Variants in ASTN1 observed in about 807,000 individuals in gnomAD.
The protein encoded by ASTN1 is astrotactin 1, also known as astrotactin-1.
A neutral mutation model predicts 140.7 loss-of-function variants in ASTN1; 41 were observed. That is an observed-to-expected ratio of 0.29 (90% CI 0.23 to 0.38). The LOEUF is 0.38. Ranked by LOEUF, ASTN1 falls within the 10% of genes least tolerant of loss-of-function variation. The pLI is 1.00. For missense variants in ASTN1, 1,479 were observed against 1,678.8 expected, an observed-to-expected ratio of 0.88 and a Z score of 2.08; for synonymous variants, 640 against 652.2, an observed-to-expected ratio of 0.98 and a Z score of 0.29.
chr1:176,994,104 C>A (rs1003372784), intron 8 of ASTN1, among the ~76,000 whole-genome samples: 2 of 151,344 alleles, frequency 1.3e-5, no homozygotes, highest in East Asian at 3.9e-4. Context: ...TTCACCCCAC[C>A]CCCCCCGCCA....
At position 176,946,091 on chromosome 1, in the gene ASTN1, T is replaced by C; in HGVS notation, c.2084A>G (p.Asp695Gly). The C allele has an allele frequency of 6.2e-7, 1 of 1,613,208 alleles. No homozygotes were observed. Among genetic ancestry groups the C allele is most frequent in the Non-Finnish European group, 8.5e-7 (1 of 1,179,408 alleles). The change falls in exon 13 of 23, where the codon GAT becomes GGT. Residue 695 changes from aspartate to glycine, a missense_variant. Around this residue, in one of 3 missense-constraint regions of ASTN1, gnomAD observed 746 missense variants for 800.9 expected, o/e 0.93. Coordinates refer to ENST00000361833, the MANE Select transcript of ASTN1 (RefSeq NM_004319.3). ...GCIEDYKLGVDGRSCQLITET... is the reference protein window; with the variant it reads ...GCIEDYKLGVGGRSCQLITET... ...CGTGATGAGTTGGCAAGAGCGTCCA[T>C]CCACACCAAGCTTGTAGTCCTCGAT...
intron 6 of ASTN1, 42 bp downstream of exon 6, chr1:177,024,540 CT>C (rs1437320559): frequency 2.5e-6 from 4 of 1,601,554 alleles, no homozygotes; most frequent in Non-Finnish European, 1.7e-6. Flanking sequence ...GAAAACTTTC[CT>C]TTTTGGGGGG....
rs1668233222 is a variant in ASTN1 at position 176,868,965 on chromosome 1, C to T, written c.3526G>A (p.Ala1176Thr). The change falls in exon 22 of 23, where the codon GCC (alanine) becomes ACC (threonine). Residue 1176 changes from alanine (A) to threonine (T), a missense_variant. Physicochemically the swap from Ala to Thr is moderately conservative, Grantham distance 58. This residue lies in a region of ASTN1 where 746 missense variants were observed against 800.9 expected (regional missense o/e 0.93). Coordinates refer to ENST00000361833, the MANE Select transcript of ASTN1 (RefSeq NM_004319.3). ...GYTSGKEQQT[A>T]YNTLLDLGSP... ...CCCAGATCCAGGAGGGTGTTGTAGG[C>T]GGTCTGCTGCTCCTTCCCACTAGTG... is the stretch of plus-strand genomic sequence containing the variant. 10 of 1,612,128 alleles carry T rather than the reference C, an allele frequency of 6.2e-6. No individual in the cohort carries two copies. Among genetic ancestry groups the T allele is most frequent in the African/African-American group, 1.3e-5 (1 of 75,004 alleles).
chr1:177,108,372 GA>G (rs1342718279), intron 1 of ASTN1, among the ~76,000 whole-genome samples: 11 of 143,854 alleles, frequency 7.6e-5, no homozygotes, highest in Middle Eastern at 3.8e-3. Flanking sequence ...AAAAAGAAAA[GA>G]AAAAAAGAAA....
At chr1:176,956,069 G>C (rs563117806) in intron 11 of ASTN1, among the ~76,000 whole-genome samples, 4 of 152,160 alleles carry the variant, frequency 2.6e-5, no homozygotes, top group Admixed American at 6.5e-5. Context: ...TAAGACATTT[G>C]AGAATGGACC....
chr1:176,916,564 C>T (rs1196849230), intron 16 of ASTN1, among the ~76,000 whole-genome samples: 2 of 152,092 alleles, frequency 1.3e-5, no homozygotes, highest in Non-Finnish European at 2.9e-5. Context: ...ACTGCTATGG[C>T]TCAACACACC....
intron 2 of ASTN1, among the ~76,000 whole-genome samples, chr1:177,059,307 C>T (rs1011136121): frequency 2.0e-5 from 3 of 152,098 alleles, no homozygotes; most frequent in Non-Finnish European, 4.4e-5. Flanking sequence ...CCTCTAAATT[C>T]GTCACTCCAG....
At chr1:177,120,387 A>C (rs1195713536) in intron 1 of ASTN1, among the ~76,000 whole-genome samples, 3 of 152,180 alleles carry the variant, frequency 2.0e-5, no homozygotes, top group Admixed American at 6.5e-5. Flanking sequence ...CTGGTCACAG[A>C]AAGGCTTTCT....
At chr1:176,900,787 G>C (rs991326835) in intron 16 of ASTN1, among the ~76,000 whole-genome samples, 3 of 152,172 alleles carry the variant, frequency 2.0e-5, no homozygotes, top group African/African-American at 7.2e-5. Context: ...GATATATTGA[G>C]TGCTTTCTAA....
At chr1:177,109,254 GT>G (rs1680698299) in intron 1 of ASTN1, among the ~76,000 whole-genome samples, 1 of 152,088 alleles carries the variant, frequency 6.6e-6, no homozygotes, top group Non-Finnish European at 1.5e-5. Context: ...CAGGAAATAT[GT>G]AGTAAACCTA....
intron 2 of ASTN1, among the ~76,000 whole-genome samples, chr1:177,052,710 A>G (rs953704824): frequency 7.2e-5 from 11 of 152,226 alleles, no homozygotes; most frequent in African/African-American, 2.7e-4. Flanking sequence ...GAAGCAGCTC[A>G]TAGACCTCAC....
chr1:177,059,923 A>G (rs1165624108), intron 2 of ASTN1, among the ~76,000 whole-genome samples: 1 of 152,228 alleles, frequency 6.6e-6, no homozygotes, highest in East Asian at 1.9e-4. Flanking sequence ...TAATCAGTCA[A>G]GTCTCAACCT....
At position 176,945,916 on chromosome 1, in the gene ASTN1, T is replaced by C. The variant is rs370209300; in HGVS notation, c.2249+10A>G. 4.4e-6 allele frequency: 7 copies of C among 1,599,478 alleles called. No homozygotes were observed. In the African/African-American group the frequency reaches 6.7e-5, roughly 15 times the overall value. ...TCTTGAACAATCAGTTCTATGTATA[T>C]GAGGTTTACCTGAATGTTCCTTTCA... On this transcript the variant is annotated intron_variant, in intron 13 of 22. Transcript: ENST00000361833.
At chr1:177,127,993 T>C (rs1681745035) in intron 1 of ASTN1, among the ~76,000 whole-genome samples, 2 of 143,612 alleles carry the variant, frequency 1.4e-5, no homozygotes, top group Non-Finnish European at 3.2e-5. Context: ...CATCAGGTTC[T>C]AATAAAATAA....
In ASTN1 at chr1:176,943,975, C is replaced by T. The variant is rs755140093; in HGVS notation, c.2293G>A (p.Gly765Ser). Residue 765 changes from glycine (G) to serine (S), a missense_variant, in exon 14 of 23, where the codon GGT becomes AGT. Gly to Ser is a moderately conservative substitution (Grantham distance 56). Coordinates refer to ENST00000361833, the MANE Select transcript of ASTN1 (RefSeq NM_004319.3). ...AGGGGCACAGTGGCCACCACAAGAC[C>T]ATCTGGCAGTTGCTGGTCTAAACCA... Reference protein sequence around the residue: ...ARGLDQQLPDGLVVATVPLEN... With the variant: ...ARGLDQQLPDSLVVATVPLEN... 2 of 1,613,972 alleles carry T rather than the reference C, an allele frequency of 1.2e-6. No individual in the cohort carries two copies. The highest frequency in any genetic ancestry group is 3.3e-5 in the Admixed American group (2 of 59,998).
At chr1:176,889,648 C>T (rs2206316) in intron 17 of ASTN1, among the ~76,000 whole-genome samples, 127,248 of 152,164 alleles carry the variant, frequency 0.84, 53,358 homozygotes, top group Middle Eastern at 0.95. Flanking sequence ...CTCCCCAGAT[C>T]GGAAGCCTCT....
At chr1:176,978,071 C>T (rs1161093011) in intron 8 of ASTN1, among the ~76,000 whole-genome samples, 2 of 152,140 alleles carry the variant, frequency 1.3e-5, no homozygotes, top group Non-Finnish European at 2.9e-5. Flanking sequence ...GAAGGATGCA[C>T]TGAGTCTAGG....
chr1:177,069,001 T>C (rs1678501502), intron 1 of ASTN1, among the ~76,000 whole-genome samples: 1 of 151,866 alleles, frequency 6.6e-6, no homozygotes, highest in African/African-American at 2.4e-5. Context: ...ATTTGTATTA[T>C]TATGAGACGA....
intron 13 of ASTN1, among the ~76,000 whole-genome samples, chr1:176,944,370 C>T (rs1456561904): frequency 6.6e-6 from 1 of 152,186 alleles, no homozygotes; most frequent in African/African-American, 2.4e-5. Context: ...GGTGATCCTC[C>T]CACCTCAGCC....
Sources: gnomAD v4.1 joint callset for allele counts (sites outside exome capture counted in the v4.1 genomes callset) on GRCh38, gnomAD v4.1.1 for gene constraint, gnomAD v4.1.1 regional missense constraint, MANE v1.5 for transcripts, NCBI Gene and HGNC (gene_info 2026-07-23, HGNC 2026-07-21) for gene names.